The following CTNNA3 variants were observed in gnomAD, a reference collection of about 807,000 sequenced individuals.
CTNNA3 encodes catenin alpha-3.
In CTNNA3, 76 loss-of-function variants were observed where a neutral mutation model predicts 95.7. That is an observed-to-expected ratio of 0.79 (90% CI 0.66 to 0.96). The LOEUF is 0.96. Among genes scored for constraint, CTNNA3 ranks in the 40% least tolerant of loss-of-function variants. The probability of loss-of-function intolerance (pLI) is 0.00; values close to 1 mark genes in which losing one functional copy is unlikely to be tolerated. For synonymous variants in CTNNA3, 431 were observed against 374.4 expected, an observed-to-expected ratio of 1.15 and a Z score of -1.74; for missense variants, 1,191 against 1,089.8, an observed-to-expected ratio of 1.09 and a Z score of -1.31.
chr10:66,727,240 C>G (rs1296154133), intron 9 of CTNNA3, among the ~76,000 whole-genome samples: 1 of 151,892 alleles, frequency 6.6e-6, no homozygotes, highest in East Asian at 1.9e-4. Context: ...AACTCTAAAT[C>G]TGAAGATCTT....
intron 7 of CTNNA3, among the ~76,000 whole-genome samples, chr10:66,969,003 T>C (rs2132816354): frequency 6.6e-6 from 1 of 152,118 alleles, no homozygotes; most frequent in East Asian, 1.9e-4. Flanking sequence ...GGCAACAGAA[T>C]GAGACTCCAT....
chr10:66,826,194 T>G (rs890667089), intron 7 of CTNNA3, among the ~76,000 whole-genome samples: 1 of 152,216 alleles, frequency 6.6e-6, no homozygotes, highest in Admixed American at 6.5e-5. Context: ...TGTACCCATT[T>G]AGTATGTGCA....
Position 66,543,253 on chromosome 10 carries a change from C to T in CTNNA3, c.1375-22480G>A, listed in dbSNP as rs546922727. On this transcript the variant is annotated intron_variant, in intron 10 of 17. Transcript: ENST00000433211. ...GATTACAGGTCTCTGCCACTGAGCC[C>T]GGCTAATTTTTGTATTTTTAGAAGA... Among the ~76,000 whole-genome samples, 152 of 152,046 alleles carry T rather than the reference C, an allele frequency of 1.0e-3. 1 individual carries two copies. The highest frequency in any genetic ancestry group is 3.5e-3 in the African/African-American group (146 of 41,496).
intron 12 of CTNNA3, among the ~76,000 whole-genome samples, chr10:66,358,212 T>G (rs776577075): frequency 2.6e-5 from 4 of 152,296 alleles, no homozygotes; most frequent in Admixed American, 6.5e-5. Context: ...GAGAGTTAAA[T>G]GAGTTTCATC....
chr10:66,776,041 A>G lies in CTNNA3; in HGVS notation c.1048-517T>C, dbSNP rs192457981. Among the ~76,000 whole-genome samples the G allele has an allele frequency of 3.9e-5, 6 of 152,286 alleles. No individual in the cohort carries two copies. In the East Asian group the frequency reaches 9.7e-4, roughly 25 times the overall value. On this transcript the variant is annotated intron_variant, in intron 7 of 17. Coordinates refer to ENST00000433211, the MANE Select transcript of CTNNA3 (RefSeq NM_013266.4). ...TTAGCTGACAATATTCCAAGAACAA[A>G]TTGTTTTAAGTAAGAACTGGACGCT...
At chr10:65,943,025 A>G (rs537058353) in intron 17 of CTNNA3, among the ~76,000 whole-genome samples, 1 of 151,818 alleles carries the variant, frequency 6.6e-6, no homozygotes, top group African/African-American at 2.4e-5. Context: ...AATTTTTGTT[A>G]TTGTTGCTTC....
chr10:67,726,481 T>TA (rs1554879520), intron 1 of CTNNA3, among the ~76,000 whole-genome samples: 1 of 66,762 alleles, frequency 1.5e-5, no homozygotes, highest in East Asian at 6.3e-4. Context: ...ATATTATATA[T>TA]TATATCATAT....
At chr10:67,543,276 T>C (rs960858565) in intron 3 of CTNNA3, among the ~76,000 whole-genome samples, 2 of 152,000 alleles carry the variant, frequency 1.3e-5, no homozygotes, top group African/African-American at 4.8e-5. Context: ...TTTACACACC[T>C]ATATAAGTGT....
chr10:65,925,787 T>A (rs1464054849), intron 17 of CTNNA3, among the ~76,000 whole-genome samples: 1 of 152,160 alleles, frequency 6.6e-6, no homozygotes, highest in African/African-American at 2.4e-5. Context: ...TTTTTCACTG[T>A]AGTATATAAG....
intron 5 of CTNNA3, among the ~76,000 whole-genome samples, chr10:67,242,836 T>A (rs1865766807): frequency 6.6e-6 from 1 of 152,198 alleles, no homozygotes; most frequent in African/African-American, 2.4e-5. Flanking sequence ...GAGGTTAGAA[T>A]CCCAGTGCAA....
intron 15 of CTNNA3, among the ~76,000 whole-genome samples, chr10:66,067,988 G>A (rs2080349004): frequency 6.6e-6 from 1 of 152,006 alleles, no homozygotes; most frequent in African/African-American, 2.4e-5. Flanking sequence ...GTACAGATAT[G>A]GATACAGATG....
intron 1 of CTNNA3, among the ~76,000 whole-genome samples, chr10:67,737,921 G>T (rs1841311797): frequency 6.6e-6 from 1 of 152,188 alleles, no homozygotes; most frequent in African/African-American, 2.4e-5. Context: ...ACCCAAAGGA[G>T]TATAAATCAT....
chr10:66,603,902 A>C (rs1454432553), intron 10 of CTNNA3, among the ~76,000 whole-genome samples: 3 of 152,188 alleles, frequency 2.0e-5, no homozygotes, highest in Non-Finnish European at 4.4e-5. Flanking sequence ...GTAGATTCCC[A>C]TCTTTCACCA....
chr10:67,418,611 C>A (rs1375374852), intron 5 of CTNNA3, among the ~76,000 whole-genome samples: 1 of 151,258 alleles, frequency 6.6e-6, no homozygotes, highest in African/African-American at 2.4e-5. Flanking sequence ...AGAGAAATAC[C>A]ACATGATCTG....
At chr10:66,793,412 G>A (rs1309394220) in intron 7 of CTNNA3, among the ~76,000 whole-genome samples, 4 of 152,098 alleles carry the variant, frequency 2.6e-5, no homozygotes, top group Non-Finnish European at 4.4e-5. Flanking sequence ...CAAACTGTTA[G>A]GATTACAGGC....
intron 5 of CTNNA3, among the ~76,000 whole-genome samples, chr10:67,490,624 GAAGA>G (rs199596602): frequency 3.7e-4 from 56 of 152,212 alleles, no homozygotes; most frequent in Admixed American, 2.6e-3. Context: ...ACTGAAAACA[GAAGA>G]GAGAACCTAG....
chr10:67,358,161 G>T (rs1240608616), intron 5 of CTNNA3, among the ~76,000 whole-genome samples: 1 of 152,038 alleles, frequency 6.6e-6, no homozygotes, highest in Non-Finnish European at 1.5e-5. Flanking sequence ...TTAAATTTTA[G>T]AGTTAATACT....
At chr10:67,219,268 GC>G (rs1263035731) in intron 6 of CTNNA3, among the ~76,000 whole-genome samples, 1 of 152,174 alleles carries the variant, frequency 6.6e-6, no homozygotes, top group African/African-American at 2.4e-5. Context: ...TATGTCCCAA[GC>G]ACATAGAACA....
chr10:67,277,377 C>T (rs1445586562), intron 5 of CTNNA3, among the ~76,000 whole-genome samples: 2 of 151,786 alleles, frequency 1.3e-5, no homozygotes, highest in Non-Finnish European at 2.9e-5. Context: ...GGAAAAGAAA[C>T]CTAAAGTTGG....
Sources: allele counts gnomAD v4.1 joint callset (sites outside exome capture counted in the v4.1 genomes callset), GRCh38; gene constraint gnomAD v4.1.1; transcripts MANE v1.5; gene names NCBI Gene and HGNC (gene_info 2026-07-23, HGNC 2026-07-21).